Variants in CNNM4 observed in about 807,000 individuals in gnomAD.
The protein encoded by CNNM4 is metal transporter CNNM4.
A neutral mutation model predicts 53.7 loss-of-function variants in CNNM4; 32 were observed. The observed-to-expected ratio is 0.60, with a 90% CI of 0.45 to 0.80. CNNM4 has a LOEUF of 0.80. CNNM4 is among the 30% of genes least tolerant of loss of function. CNNM4 has a pLI of 0.00. For missense variants in CNNM4, 784 were observed against 1,022.0 expected, an observed-to-expected ratio of 0.77 and a Z score of 3.17; for synonymous variants, 410 against 440.0, an observed-to-expected ratio of 0.93 and a Z score of 0.85.
intron 1 of CNNM4, among the ~76,000 whole-genome samples, chr2:96,787,293 T>C (rs984973081): frequency 6.6e-6 from 1 of 152,364 alleles, no homozygotes; most frequent in African/African-American, 2.4e-5. Flanking sequence ...CTGCCAACAC[T>C]GAGAGTACCA....
rs372315488 is a variant in CNNM4, at chr2:96,801,766, CACAG to C, written c.1948+2124_1948+2127del. 1.2e-3 allele frequency among the ~76,000 whole-genome samples: 182 copies of C among 151,906 alleles called. No homozygotes were observed. Among genetic ancestry groups the C allele is most frequent in the African/African-American group, 3.0e-3 (124 of 41,408 alleles). ...CAGAGACCACACACCCAGACACACA[CACAG>C]ACAGAGATACTACAGACACCCATAG... On this transcript the variant is annotated intron_variant, in intron 5 of 6. Coordinates refer to ENST00000377075, the MANE Select transcript of CNNM4 (RefSeq NM_020184.4). The surrounding 1 kb of genome is among the most constrained non-coding windows in gnomAD (Gnocchi z 5.6).
chr2:96,809,572 C>A lies in CNNM4; in HGVS notation c.*55C>A. ...TGCGGGGGCCTCCCCAGTGGGCCCACATGAAGAGAGGGAACCTGTTAGTCC... is the reference window on the plus strand; with the variant it reads ...TGCGGGGGCCTCCCCAGTGGGCCCAAATGAAGAGAGGGAACCTGTTAGTCC... On this transcript the variant is annotated 3_prime_UTR_variant, in exon 7 of 7. Transcript: ENST00000377075. 1.3e-6 allele frequency: 2 copies of A among 1,490,460 alleles called. No homozygotes were observed. The highest frequency in any genetic ancestry group is 1.9e-6 in the Non-Finnish European group (2 of 1,069,958). 92.3% of individuals were successfully genotyped at this position (1,490,460 alleles called of 1,614,324 possible).
At position 96,761,097 on chromosome 2, in the gene CNNM4, TG is replaced by T. The variant is rs1343180671; in HGVS notation, c.103del (p.Ala35ProfsTer15). The T allele has an allele frequency of 2.6e-6, 4 of 1,532,820 alleles. No individual in the cohort carries two copies. Among genetic ancestry groups the T allele is most frequent in the East Asian group, 2.3e-5 (1 of 43,218 alleles). 95.0% of individuals were successfully genotyped at this position (1,532,820 alleles called of 1,614,324 possible). A position where few individuals can be genotyped will look rare whatever the true frequency, so the allele number is the denominator to read the frequency against. On this transcript the variant is annotated frameshift_variant, in exon 1 of 7. Transcript: ENST00000377075. LOFTEE classifies it high-confidence loss of function. This position sits in a 1 kb window ranked among gnomAD's most constrained non-coding sequence, Gnocchi z 6.0. ...GTGCTGCTGGTGCTGCTGTGGGCGC[TG>T]GGGGCCCGGGGCCAGGGCAGCCCCC... ...APVLLVLLWA[L>X]GARGQGSPQQ...
chr2:96,787,218 A>G (rs971684155), intron 1 of CNNM4, among the ~76,000 whole-genome samples: 1 of 152,230 alleles, frequency 6.6e-6, no homozygotes, highest in African/African-American at 2.4e-5. Flanking sequence ...TGCATATTTT[A>G]CATTTTGGCA....
intron 1 of CNNM4, 82 bp downstream of exon 1, chr2:96,762,483 A>C (rs965810082): frequency 1.1e-5 from 14 of 1,322,848 alleles, no homozygotes; most frequent in African/African-American, 1.5e-5. Flanking sequence ...TGCTGGCTTT[A>C]GTGTTCTGTT....
chr2:96,775,768 C>T (rs146105512), intron 1 of CNNM4, among the ~76,000 whole-genome samples: 168 of 152,190 alleles, frequency 1.1e-3, no homozygotes, highest in African/African-American at 3.7e-3. Context: ...CTCTGTCATC[C>T]AGGCTGGAGT....
chr2:96,796,822 CT>C (rs1429665943), intron 1 of CNNM4, among the ~76,000 whole-genome samples, 189 bp from the exon 2 acceptor site: 1 of 152,182 alleles, frequency 6.6e-6, no homozygotes, highest in African/African-American at 2.4e-5. Flanking sequence ...TTAAAAATTA[CT>C]TTTAGTTTTC....
At chr2:96,783,210 C>G (rs2078989413) in intron 1 of CNNM4, among the ~76,000 whole-genome samples, 2 of 152,144 alleles carry the variant, frequency 1.3e-5, no homozygotes, top group South Asian at 4.1e-4. Context: ...GGAAGGGGTT[C>G]CCTGCCACCT....
At chr2:96,766,107 T>C (rs940235282) in intron 1 of CNNM4, among the ~76,000 whole-genome samples, 9 of 146,894 alleles carry the variant, frequency 6.1e-5, no homozygotes, top group African/African-American at 2.3e-4. Context: ...TTTCTTTTTT[T>C]TTTTTTTGAG....
chr2:96,808,776 A>G lies in CNNM4; in HGVS notation c.2130+34A>G, dbSNP rs749059747. ...CTCACTGCCCTGTCTGGGCAGTGCT[A>G]TCTTCTGCTCAGGAATCAGCTACTA... On this transcript the variant is annotated intron_variant, in intron 6 of 6. Transcript: ENST00000377075. This position sits in a 1 kb window ranked among gnomAD's most constrained non-coding sequence, Gnocchi z 4.9. 7.1e-5 allele frequency: 113 copies of G among 1,596,378 alleles called. No homozygotes were observed. Among genetic ancestry groups the G allele is most frequent in the Non-Finnish European group, 8.9e-5 (104 of 1,164,148 alleles).
intron 1 of CNNM4, among the ~76,000 whole-genome samples, chr2:96,790,076 G>T (rs1264457707): frequency 7.4e-6 from 1 of 135,338 alleles, no homozygotes; most frequent in South Asian, 2.3e-4. Context: ...GCGTGATCTC[G>T]GCTCACTGCA....
chr2:96,806,540 C>T (rs562154001), intron 5 of CNNM4, among the ~76,000 whole-genome samples: 3 of 136,010 alleles, frequency 2.2e-5, no homozygotes, highest in East Asian at 2.0e-4. Context: ...CACACACGCG[C>T]GCGCGCGCGC....
intron 1 of CNNM4, among the ~76,000 whole-genome samples, chr2:96,767,867 C>G (rs377076718): frequency 6.6e-6 from 1 of 152,162 alleles, no homozygotes; most frequent in Non-Finnish European, 1.5e-5. Flanking sequence ...GCTAGGAGTT[C>G]GAGACCAGCC....
chr2:96,809,149 G>A (rs2079234406), intron 6 of CNNM4, 171 bp from the exon 7 acceptor site: 1 of 1,445,704 alleles, frequency 6.9e-7, no homozygotes, highest in African/African-American at 1.4e-5. Context: ...GCCCTGAGAT[G>A]CTTTCTTCTC....
At chr2:96,776,284 TC>T (rs1456882491) in intron 1 of CNNM4, among the ~76,000 whole-genome samples, 1 of 152,092 alleles carries the variant, frequency 6.6e-6, no homozygotes, top group African/African-American at 2.4e-5. Flanking sequence ...TGCCTCGGCC[TC>T]CGAAAGTGCT....
At chr2:96,794,320 T>A (rs2079085063) in intron 1 of CNNM4, among the ~76,000 whole-genome samples, 1 of 152,086 alleles carries the variant, frequency 6.6e-6, no homozygotes, top group African/African-American at 2.4e-5. Context: ...AATATAACAG[T>A]ATAGAAGGGT....
intron 1 of CNNM4, among the ~76,000 whole-genome samples, chr2:96,772,977 A>G (rs1160977808): frequency 6.6e-6 from 1 of 151,452 alleles, no homozygotes; most frequent in Admixed American, 6.6e-5. Context: ...GCACACACAC[A>G]CACTCCTACC....
Position 96,792,920 on chromosome 2 carries a change from G to A in CNNM4, c.1403-4092G>A, listed in dbSNP as rs1040678381. Among the ~76,000 whole-genome samples, 13 of 152,280 alleles carry A rather than the reference G, an allele frequency of 8.5e-5. No individual in the cohort carries two copies. The South Asian group carries it at 1.2e-3, about 15-fold the overall frequency. ...TGGGCATGAGCTGGGTTTTGGCTGC[G>A]TTAATTTCAAGGTATTAGTGACGTC... On this transcript the variant is annotated intron_variant, in intron 1 of 6. Coordinates refer to ENST00000377075, the MANE Select transcript of CNNM4 (RefSeq NM_020184.4).
chr2:96,790,092 C>T (rs1312503306), intron 1 of CNNM4, among the ~76,000 whole-genome samples: 2 of 147,172 alleles, frequency 1.4e-5, no homozygotes, highest in Non-Finnish European at 3.0e-5. Context: ...CTGCAGGCTC[C>T]GCCTCCCGGG....
Sources: gnomAD v4.1 joint callset for allele counts (sites outside exome capture counted in the v4.1 genomes callset) on GRCh38, gnomAD v4.1.1 for gene constraint, Gnocchi (gnomAD v3.1) non-coding constraint, MANE v1.5 for transcripts, NCBI Gene and HGNC (gene_info 2026-07-23, HGNC 2026-07-21) for gene names.